HRH1: variants seen among roughly 807,000 people sequenced by gnomAD.
HRH1 encodes the protein histamine H1 receptor.
HRH1 carries 6 observed loss-of-function variants against 10.3 expected under a neutral mutation model. The ratio of observed to expected loss-of-function variants is 0.58; its 90% confidence interval spans 0.32 to 1.15. HRH1 has a LOEUF of 1.15. HRH1 is among the 50% of genes most tolerant of loss of function. The pLI is 0.05. For synonymous variants in HRH1, 242 were observed against 236.7 expected, an observed-to-expected ratio of 1.02 and a Z score of -0.21; for missense variants, 514 against 615.3, an observed-to-expected ratio of 0.84 and a Z score of 1.74.
In HRH1 at chr3:11,234,266, A is replaced by T. The variant is rs145776009; in HGVS notation, c.-35-24737A>T. ...TTGTGGCCTTCATTAACTTGACCCC[A>T]CCTCTTCTTTGGTTGCAGTGGCCTC... On this transcript the variant is annotated intron_variant, in intron 1 of 1. Coordinates refer to ENST00000431010, the MANE Select transcript of HRH1 (RefSeq NM_001098212.2). The T allele has an allele frequency of 3.0e-4, 463 of 1,555,076 alleles. 3 individuals carry two copies. In the African/African-American group the frequency reaches 5.5e-3, roughly 18 times the overall value.
intron 1 of HRH1, among the ~76,000 whole-genome samples, chr3:11,240,140 G>A (rs1447856565): frequency 6.6e-6 from 1 of 152,036 alleles, no homozygotes; most frequent in African/African-American, 2.4e-5. Flanking sequence ...TCTCAGAGAG[G>A]AGGCTTGACT....
At chr3:11,249,326 T>C (rs399982) in intron 1 of HRH1, among the ~76,000 whole-genome samples, 7 of 144,722 alleles carry the variant, frequency 4.8e-5, no homozygotes, top group Non-Finnish European at 7.5e-5. Flanking sequence ...TGGCGTGAAC[T>C]CGGGAGGCAG....
intron 1 of HRH1, among the ~76,000 whole-genome samples, chr3:11,172,870 T>G (rs983511227): frequency 1.3e-5 from 2 of 151,460 alleles, no homozygotes; most frequent in African/African-American, 2.4e-5. Flanking sequence ...CCCAGCTAAT[T>G]TTTTTGTATT....
intron 1 of HRH1, among the ~76,000 whole-genome samples, chr3:11,223,144 C>T (rs1938764449): frequency 7.4e-6 from 1 of 134,592 alleles, no homozygotes; most frequent in South Asian, 2.4e-4. Flanking sequence ...GAGATCGCAC[C>T]ATCACACTCC....
chr3:11,247,591 C>T (rs985243740), intron 1 of HRH1, among the ~76,000 whole-genome samples: 1 of 151,936 alleles, frequency 6.6e-6, no homozygotes, highest in Non-Finnish European at 1.5e-5. Context: ...GTGGCAAAGG[C>T]GGGAAGGTTG....
At chr3:11,140,197 A>G (rs571183869) in intron 1 of HRH1, among the ~76,000 whole-genome samples, 1 of 152,152 alleles carries the variant, frequency 6.6e-6, no homozygotes, top group African/African-American at 2.4e-5. Flanking sequence ...CCACATTTGG[A>G]CCTCTATCCA....
intron 1 of HRH1, among the ~76,000 whole-genome samples, chr3:11,217,836 C>A (rs1435082364): frequency 6.6e-6 from 1 of 152,032 alleles, no homozygotes; most frequent in East Asian, 1.9e-4. Context: ...ACATTATATA[C>A]CACCTAGAGA....
chr3:11,205,550 A>C (rs969887204), intron 1 of HRH1, among the ~76,000 whole-genome samples: 8 of 152,162 alleles, frequency 5.3e-5, no homozygotes, highest in Non-Finnish European at 8.8e-5. Context: ...TATGCATGGG[A>C]AGTACTCAGC....
chr3:11,169,412 T>C (rs957850697), intron 1 of HRH1, among the ~76,000 whole-genome samples: 1 of 152,024 alleles, frequency 6.6e-6, no homozygotes, highest in Non-Finnish European at 1.5e-5. Context: ...ATGGGGGAAG[T>C]AGGAGAGGTC....
intron 1 of HRH1, among the ~76,000 whole-genome samples, chr3:11,215,312 A>T (rs2125036710): frequency 6.6e-6 from 1 of 152,386 alleles, no homozygotes; most frequent in Admixed American, 6.5e-5. Flanking sequence ...TACAACTAGA[A>T]TAAACAAGTT....
In HRH1 at chr3:11,183,855, C is replaced by CTTTT. The variant is rs60566877; in HGVS notation, c.-36+29322_-36+29325dup. ...ATGAAACCCACAGTAGGAAAGCTTG[C>CTTTT]TTTTTTTTTTTTTTTTTTTTTTTTA... On this transcript the variant is annotated intron_variant, in intron 1 of 1. Coordinates refer to ENST00000431010, the MANE Select transcript of HRH1 (RefSeq NM_001098212.2). 2.5e-4 allele frequency among the ~76,000 whole-genome samples: 23 copies of CTTTT among 91,922 alleles called. 1 individual carries two copies. Among genetic ancestry groups the CTTTT allele is most frequent in the African/African-American group, 7.7e-4 (17 of 22,202 alleles). The allele number at this position is 91,922 out of a possible 152,430, so 60.3% of individuals were successfully genotyped here. A position where few individuals can be genotyped will look rare whatever the true frequency, so the allele number is the denominator to read the frequency against.
chr3:11,206,371 G>A (rs534674859), intron 1 of HRH1, among the ~76,000 whole-genome samples: 1 of 152,326 alleles, frequency 6.6e-6, no homozygotes, highest in South Asian at 2.1e-4. Flanking sequence ...GCCTGCTTCG[G>A]CCTTCCGAAG....
intron 1 of HRH1, among the ~76,000 whole-genome samples, chr3:11,180,420 C>T (rs1438278333): frequency 1.3e-5 from 2 of 152,162 alleles, no homozygotes; most frequent in Non-Finnish European, 2.9e-5. Context: ...AGATCCCTCA[C>T]AATGCACAAT....
chr3:11,146,175 A>G (rs1936438763), intron 1 of HRH1, among the ~76,000 whole-genome samples: 1 of 152,190 alleles, frequency 6.6e-6, no homozygotes, highest in African/African-American at 2.4e-5. Flanking sequence ...TCAGTCACGT[A>G]TGAGTTCCAG....
At chr3:11,155,652 G>A (rs1403178951) in intron 1 of HRH1, among the ~76,000 whole-genome samples, 1 of 152,150 alleles carries the variant, frequency 6.6e-6, no homozygotes, top group Non-Finnish European at 1.5e-5. Flanking sequence ...TGGGAGTCCT[G>A]GTGAACAAGG....
intron 1 of HRH1, among the ~76,000 whole-genome samples, chr3:11,243,806 G>A (rs1003291902): frequency 6.6e-6 from 1 of 152,202 alleles, no homozygotes; most frequent in South Asian, 2.1e-4. Flanking sequence ...TTTGCCTTGA[G>A]AGAGGCAGTT....
intron 1 of HRH1, among the ~76,000 whole-genome samples, chr3:11,166,282 G>T (rs938481355): frequency 2.0e-5 from 3 of 152,072 alleles, no homozygotes; most frequent in Admixed American, 6.5e-5. Context: ...ACCCCATGAA[G>T]CGTTGAAAAA....
At chr3:11,152,582 C>T (rs376677620), upstream of HRH1, among the ~76,000 whole-genome samples, 1 of 151,914 alleles carries the variant, frequency 6.6e-6, no homozygotes, top group South Asian at 2.1e-4. Flanking sequence ...AAAGTGTGGA[C>T]GCAGCCATTT....
At chr3:11,202,654 T>C (rs891923808) in intron 1 of HRH1, among the ~76,000 whole-genome samples, 1 of 152,142 alleles carries the variant, frequency 6.6e-6, no homozygotes, top group Non-Finnish European at 1.5e-5. Context: ...GCTGAAGATA[T>C]AGAGATTTAC....
Sources: gnomAD v4.1 joint callset for allele counts (sites outside exome capture counted in the v4.1 genomes callset) on GRCh38, gnomAD v4.1.1 for gene constraint, MANE v1.5 for transcripts, NCBI Gene and HGNC (gene_info 2026-07-23, HGNC 2026-07-21) for gene names.